Variants in ACACA observed in about 807,000 individuals in gnomAD.
The protein encoded by ACACA is acetyl-CoA carboxylase alpha.
A neutral mutation model predicts 296.1 loss-of-function variants in ACACA; 103 were observed. That is an observed-to-expected ratio of 0.35 (90% CI 0.30 to 0.41). ACACA has a LOEUF of 0.41. Ranked by LOEUF, ACACA falls within the 10% of genes least tolerant of loss-of-function variation. ACACA has a pLI of 1.00. For synonymous variants in ACACA, 953 were observed against 1,038.6 expected (o/e 0.92, Z 1.58); for missense variants, 1,554 against 2,989.7 (o/e 0.52, Z 11.20).
intron 45 of ACACA, among the ~76,000 whole-genome samples, chr17:37,133,983 A>G (rs989626165): frequency 3.3e-5 from 5 of 152,222 alleles, no homozygotes; most frequent in African/African-American, 9.7e-5. Context: ...CATTCTCAAT[A>G]TAAACTTAAG....
chr17:37,155,828 A>C (rs761130533), intron 42 of ACACA, 48 bp from the exon 43 acceptor site: 1 of 1,252,770 alleles, frequency 8.0e-7, no homozygotes, highest in Non-Finnish European at 1.2e-6. Flanking sequence ...ATTGTCATAT[A>C]ATCAGAAGAT....
At chr17:37,099,652 G>A (rs1367052264) in intron 52 of ACACA, among the ~76,000 whole-genome samples, 2 of 151,766 alleles carry the variant, frequency 1.3e-5, no homozygotes, top group Non-Finnish European at 2.9e-5. Context: ...CTGATGGGAG[G>A]AGGGCTGATG....
intron 45 of ACACA, among the ~76,000 whole-genome samples, chr17:37,147,720 C>T (rs545268705): frequency 3.3e-5 from 5 of 152,286 alleles, no homozygotes; most frequent in African/African-American, 1.2e-4. Flanking sequence ...CAGCTAAAAA[C>T]AAATATGCCC....
At position 37,246,877 on chromosome 17, in the gene ACACA, A is replaced by G; in HGVS notation, c.2409T>C (p.Ile803=). 1.9e-6 allele frequency: 3 copies of G among 1,614,096 alleles called. No individual in the cohort carries two copies. Among genetic ancestry groups the G allele is most frequent in the Non-Finnish European group, 2.5e-6 (3 of 1,180,020 alleles). ...SPSAGKLIQY[I]VEDGGHVFAG... ...CAAACACATGACCTCCATCTTCTAC[A>G]ATGTACTGGATTAACTTCCCAGCAG... Residue 803 remains isoleucine (I), a synonymous_variant, in exon 19 of 56, where the codon ATT becomes ATC. Coordinates refer to ENST00000616317, the MANE Select transcript of ACACA (RefSeq NM_198834.3).
intron 29 of ACACA, among the ~76,000 whole-genome samples, chr17:37,215,809 T>G (rs183578880): frequency 3.3e-5 from 5 of 151,300 alleles, no homozygotes; most frequent in Non-Finnish European, 1.5e-5. Flanking sequence ...TAAGACTCAC[T>G]AGGGAAAGAA....
intron 3 of ACACA, chr17:37,289,643 C>T (rs1003130992): frequency 2.4e-5 from 13 of 546,258 alleles, no homozygotes; most frequent in African/African-American, 1.7e-4. Context: ...ATGTGCTCTC[C>T]GGCAGTAATA....
intron 54 of ACACA, among the ~76,000 whole-genome samples, chr17:37,095,919 C>A (rs1036669996): frequency 1.3e-5 from 2 of 152,138 alleles, no homozygotes; most frequent in African/African-American, 4.8e-5. Flanking sequence ...TGAGACCCGC[C>A]CCATCCCCAA....
At chr17:37,356,159 C>T (rs536975484) in intron 1 of ACACA, among the ~76,000 whole-genome samples, 353 of 152,184 alleles carry the variant, frequency 2.3e-3, no homozygotes, top group Non-Finnish European at 3.8e-3. Context: ...AAGAGCGAGA[C>T]TCCGACTCCA....
chr17:37,300,325 A>G (rs776718918), intron 3 of ACACA, among the ~76,000 whole-genome samples: 20 of 152,192 alleles, frequency 1.3e-4, no homozygotes, highest in Admixed American at 2.6e-4. Context: ...ATCTTGTAAT[A>G]TCTTCCTGTT....
chr17:37,213,711 A>T (rs990906167), intron 29 of ACACA, among the ~76,000 whole-genome samples: 7 of 152,152 alleles, frequency 4.6e-5, no homozygotes, highest in Non-Finnish European at 8.8e-5. Context: ...AAATCCTGTG[A>T]ATTCTGAGGT....
intron 29 of ACACA, among the ~76,000 whole-genome samples, chr17:37,213,820 A>C (rs1318497895): frequency 6.6e-6 from 1 of 152,022 alleles, no homozygotes; most frequent in African/African-American, 2.4e-5. Context: ...TGCCGCTGCT[A>C]GCTGAACCCT....
intron 13 of ACACA, among the ~76,000 whole-genome samples, 169 bp from the exon 14 acceptor site, chr17:37,258,035 C>T (rs2081295067): frequency 6.6e-6 from 1 of 152,204 alleles, no homozygotes; most frequent in Non-Finnish European, 1.5e-5. Flanking sequence ...TCTACAGTGA[C>T]TTAAGTGGGA....
chr17:37,248,012 T>C lies in ACACA; in HGVS notation c.2308A>G (p.Arg770Gly). The change falls in exon 18 of 56, where the codon AGA becomes GGA. Residue 770 changes from arginine (R) to glycine (G), a missense_variant and splice_region_variant. This residue lies in a region of ACACA where 316 missense variants were observed against 540.9 expected (regional missense o/e 0.58). Transcript: ENST00000616317. ...AATGGACCTCAAACAGCCACTTACC[T>C]ATCCACTTCCTCTTTCATATACGTA... ...YTTYMKEEVDRYRITIGNKTC... is the reference protein window; with the variant it reads ...YTTYMKEEVDGYRITIGNKTC... 3 of 1,614,098 alleles carry C rather than the reference T, an allele frequency of 1.9e-6. No individual in the cohort carries two copies. The highest frequency in any genetic ancestry group is 2.5e-6 in the Non-Finnish European group (3 of 1,180,024).
chr17:37,179,179 G>T (rs956676110), intron 41 of ACACA, 81 bp downstream of exon 41: 1 of 1,545,646 alleles, frequency 6.5e-7, no homozygotes, highest in Admixed American at 1.7e-5. Flanking sequence ...ATGCTCCAGT[G>T]CTATTTAATG....
At chr17:37,153,069 G>C (rs1418327450) in intron 43 of ACACA, among the ~76,000 whole-genome samples, 1 of 152,160 alleles carries the variant, frequency 6.6e-6, no homozygotes, top group South Asian at 2.1e-4. Flanking sequence ...TGTCCCTTAA[G>C]GGGGTTAATT....
intron 1 of ACACA, among the ~76,000 whole-genome samples, chr17:37,404,793 G>A (rs1428260988): frequency 4.6e-5 from 7 of 151,878 alleles, no homozygotes; most frequent in Non-Finnish European, 1.0e-4. Flanking sequence ...GACCAGGCTG[G>A]TCTCGAACTT....
intron 1 of ACACA, chr17:37,379,513 T>C: frequency 7.9e-7 from 1 of 1,268,778 alleles, no homozygotes; most frequent in Non-Finnish European, 1.1e-6. Flanking sequence ...TGTTTGTTTT[T>C]TTTCTTGTAA....
intron 54 of ACACA, among the ~76,000 whole-genome samples, chr17:37,095,692 A>G (rs1248990566): frequency 6.6e-6 from 1 of 152,240 alleles, no homozygotes; most frequent in Non-Finnish European, 1.5e-5. Flanking sequence ...AGACAGACAA[A>G]TATATTTTGA....
intron 1 of ACACA, among the ~76,000 whole-genome samples, chr17:37,342,436 A>AAAAAAAAT (rs1555652530): frequency 6.9e-5 from 4 of 58,216 alleles, no homozygotes; most frequent in Non-Finnish European, 8.7e-5. Flanking sequence ...AAAAAAAAAA[A>AAAAAAAAT]ATATATATAT....
Sources: gnomAD v4.1 joint callset for allele counts (sites outside exome capture counted in the v4.1 genomes callset) on GRCh38, gnomAD v4.1.1 for gene constraint, gnomAD v4.1.1 regional missense constraint, MANE v1.5 for transcripts, NCBI Gene and HGNC (gene_info 2026-07-23, HGNC 2026-07-21) for gene names.